The following AMOTL1 variants were observed in gnomAD, a reference collection of about 807,000 sequenced individuals.
AMOTL1 encodes angiomotin-like protein 1.
AMOTL1 carries 45 observed loss-of-function variants against 102.9 expected under a neutral mutation model. The observed-to-expected ratio is 0.44, with a 90% CI of 0.34 to 0.56. AMOTL1 has a LOEUF of 0.56. Ranked by LOEUF, AMOTL1 falls within the 20% of genes least tolerant of loss-of-function variation. The probability of loss-of-function intolerance (pLI) is 0.01; values close to 1 mark genes in which losing one functional copy is unlikely to be tolerated. For synonymous variants in AMOTL1, 481 were observed against 484.7 expected (o/e 0.99, Z 0.10); for missense variants, 1,114 against 1,225.6 (o/e 0.91, Z 1.36).
intron 3 of AMOTL1, among the ~76,000 whole-genome samples, chr11:94,761,691 T>A (rs1251678654): frequency 6.6e-6 from 1 of 152,202 alleles, no homozygotes; most frequent in African/African-American, 2.4e-5. Flanking sequence ...TTTAACTTCT[T>A]CCCTCACTTT....
intron 3 of AMOTL1, among the ~76,000 whole-genome samples, chr11:94,816,998 T>A (rs760792005): frequency 6.6e-6 from 1 of 152,190 alleles, no homozygotes; most frequent in Non-Finnish European, 1.5e-5. Flanking sequence ...CTGTGTCAGA[T>A]GAACACAATT....
At chr11:94,858,032 C>T (rs1338747986) in intron 8 of AMOTL1, among the ~76,000 whole-genome samples, 1 of 152,122 alleles carries the variant, frequency 6.6e-6, no homozygotes, top group Non-Finnish European at 1.5e-5. Flanking sequence ...GAAGAGTTGT[C>T]ATGATCTCAC....
chr11:94,717,437 T>A (rs1455846912), intron 1 of AMOTL1, among the ~76,000 whole-genome samples: 1 of 149,496 alleles, frequency 6.7e-6, no homozygotes, highest in East Asian at 2.0e-4. Context: ...TGGGAAAAAA[T>A]AAAGAGTCCA....
chr11:94,868,026 CT>C (rs1427030451), intron 11 of AMOTL1, among the ~76,000 whole-genome samples: 1 of 152,196 alleles, frequency 6.6e-6, no homozygotes, highest in Non-Finnish European at 1.5e-5. Context: ...AGGTGAAGGC[CT>C]TTGCTGCTCA....
At position 94,827,335 on chromosome 11, in the gene AMOTL1, G is replaced by A. The variant is rs185818532; in HGVS notation, c.1414-2715G>A. ...CCTGAACACCACTCTCATGGTGGATGCCTCAAAGTGTGTGGTACTCTCATC... is the reference window on the plus strand; with the variant it reads ...CCTGAACACCACTCTCATGGTGGATACCTCAAAGTGTGTGGTACTCTCATC... On this transcript the variant is annotated intron_variant, in intron 4 of 12. Coordinates refer to ENST00000433060, the MANE Select transcript of AMOTL1 (RefSeq NM_130847.3). Among the ~76,000 whole-genome samples, 11 of 152,320 alleles carry A rather than the reference G, an allele frequency of 7.2e-5. No homozygotes were observed. The East Asian group carries it at 2.1e-3, about 29-fold the overall frequency.
chr11:94,793,548 ATTTTCCACTG>A (rs1465084533), intron 1 of AMOTL1, among the ~76,000 whole-genome samples: 1 of 151,960 alleles, frequency 6.6e-6, no homozygotes. Context: ...TACCTTTTTC[ATTTTCCACTG>A]TTTTCCACCT....
In AMOTL1 at chr11:94,768,421, G is replaced by A. The variant is rs1950886526; in HGVS notation, c.-91G>A. 7.8e-6 allele frequency: 12 copies of A among 1,539,410 alleles called. No homozygotes were observed. Among genetic ancestry groups the A allele is most frequent in the African/African-American group, 1.4e-5 (1 of 72,904 alleles). On this transcript the variant is annotated 5_prime_UTR_variant, in exon 1 of 13. In the 5' UTR this introduces an upstream ATG that the reference lacks. Coordinates refer to ENST00000433060, the MANE Select transcript of AMOTL1 (RefSeq NM_130847.3). ...TTTGGGGCTGGAGGTGAAGCCCTGT[G>A]TGAATGGGGTTGATTGTCCGGCGCC... is the stretch of plus-strand genomic sequence containing the variant.
chr11:94,774,077 A>G (rs772466128), intron 1 of AMOTL1, among the ~76,000 whole-genome samples: 2 of 152,228 alleles, frequency 1.3e-5, no homozygotes, highest in Non-Finnish European at 2.9e-5. Context: ...CGTTGAAAGC[A>G]TTCAATAAAT....
chr11:94,710,137 A>G (rs553121255), intron 1 of AMOTL1, among the ~76,000 whole-genome samples: 4 of 152,304 alleles, frequency 2.6e-5, no homozygotes, highest in African/African-American at 7.2e-5. Context: ...CTTGCCTGCT[A>G]TATTGGCTGT....
At chr11:94,842,411 C>T (rs966164261) in intron 6 of AMOTL1, among the ~76,000 whole-genome samples, 1 of 151,952 alleles carries the variant, frequency 6.6e-6, no homozygotes, top group Non-Finnish European at 1.5e-5. Flanking sequence ...GAACCCCCAC[C>T]TCAAAAAAAA....
At chr11:94,710,658 G>T (rs1329950707) in intron 1 of AMOTL1, among the ~76,000 whole-genome samples, 1 of 152,122 alleles carries the variant, frequency 6.6e-6, no homozygotes, top group Non-Finnish European at 1.5e-5. Flanking sequence ...GCTTCAGTTG[G>T]TCATCACTCT....
At chr11:94,769,907 A>G (rs929992940) in intron 1 of AMOTL1, among the ~76,000 whole-genome samples, 2 of 152,182 alleles carry the variant, frequency 1.3e-5, no homozygotes, top group Non-Finnish European at 2.9e-5. Flanking sequence ...GATACCTCGA[A>G]GATGCTTTCG....
At chr11:94,801,068 T>C (rs1951469328) in intron 3 of AMOTL1, among the ~76,000 whole-genome samples, 1 of 152,176 alleles carries the variant, frequency 6.6e-6, no homozygotes, top group East Asian at 1.9e-4. Flanking sequence ...TGCCATTCAA[T>C]GTGCTGTTCT....
At chr11:94,751,937 G>A (rs1305975690) in intron 3 of AMOTL1, among the ~76,000 whole-genome samples, 2 of 152,060 alleles carry the variant, frequency 1.3e-5, no homozygotes, top group African/African-American at 2.4e-5. Flanking sequence ...CCCCAGAAAC[G>A]ATATTTCATC....
intron 1 of AMOTL1, among the ~76,000 whole-genome samples, chr11:94,710,943 A>G (rs1360237341): frequency 6.6e-6 from 1 of 152,156 alleles, no homozygotes; most frequent in East Asian, 1.9e-4. Context: ...ATTTATTACT[A>G]TTTTTAAAGT....
chr11:94,744,702 C>T (rs898335510), intron 3 of AMOTL1, among the ~76,000 whole-genome samples: 9 of 152,204 alleles, frequency 5.9e-5, no homozygotes, highest in East Asian at 1.9e-4. Context: ...TACAATGGTT[C>T]CTGGATTCTA....
At chr11:94,810,804 G>T (rs1258600375) in intron 3 of AMOTL1, among the ~76,000 whole-genome samples, 1 of 143,546 alleles carries the variant, frequency 7.0e-6, no homozygotes, top group Non-Finnish European at 1.5e-5. Context: ...AAAAAAAAAA[G>T]AAAGATCCTA....
rs1322875828 is a variant in AMOTL1 at position 94,831,320 on chromosome 11, A to G, written c.1559-132A>G. ...TGGGACATAGTTACTGTCTGTCCCC[A>G]AGTTGTTCAGTTTTGGGCTCCTGCC... On this transcript the variant is annotated intron_variant, in intron 5 of 12. Transcript: ENST00000433060. The G allele has an allele frequency of 9.6e-6, 6 of 623,592 alleles. No individual in the cohort carries two copies. The African/African-American group carries it at 1.1e-4, about 11-fold the overall frequency. 38.6% of individuals were successfully genotyped at this position (623,592 alleles called of 1,614,324 possible).
In AMOTL1 at chr11:94,831,455, G is replaced by T; in HGVS notation, c.1562G>T (p.Arg521Leu). ...ATCATTTCCTCTTTGTTCATAGATCGACTAGAGACTGCTAACAGGCAACTA... is the reference window on the plus strand; with the variant it reads ...ATCATTTCCTCTTTGTTCATAGATCTACTAGAGACTGCTAACAGGCAACTA... ...LHDFNRDLRD[R>L]LETANRQLSS... The change falls in exon 6 of 13, where the codon CGA becomes CTA. Residue 521 changes from arginine to leucine, a missense_variant. Transcript: ENST00000433060. 6.2e-7 allele frequency: 1 copy of T among 1,611,650 alleles called. No individual in the cohort carries two copies. The highest frequency in any genetic ancestry group is 1.1e-5 in the South Asian group (1 of 90,646).
Sources: gnomAD v4.1 joint callset for allele counts (sites outside exome capture counted in the v4.1 genomes callset) on GRCh38, gnomAD v4.1.1 for gene constraint, MANE v1.5 for transcripts, NCBI Gene and HGNC (gene_info 2026-07-23, HGNC 2026-07-21) for gene names.